ADAM12: variants seen among roughly 807,000 people sequenced by gnomAD.
ADAM12 encodes the protein disintegrin and metalloproteinase domain-containing protein 12.
A neutral mutation model predicts 106.4 loss-of-function variants in ADAM12; 70 were observed. The ratio of observed to expected loss-of-function variants is 0.66; its 90% confidence interval spans 0.54 to 0.80. The LOEUF (loss-of-function observed/expected upper bound fraction) is 0.80, where lower values mean the gene tolerates loss of function less well. Ranked by LOEUF, ADAM12 falls within the 30% of genes least tolerant of loss-of-function variation. The pLI is 0.00. For synonymous variants in ADAM12, 420 were observed against 433.5 expected (o/e 0.97, Z 0.39); for missense variants, 1,010 against 1,171.9 (o/e 0.86, Z 2.02).
intron 1 of ADAM12, among the ~76,000 whole-genome samples, chr10:126,353,082 A>C (rs528505419): frequency 1.1e-4 from 16 of 152,294 alleles, no homozygotes; most frequent in African/African-American, 3.8e-4. Flanking sequence ...GGAACATCAG[A>C]GCATCTCCTG....
chr10:126,293,243 G>T (rs1222474432), intron 2 of ADAM12, among the ~76,000 whole-genome samples: 1 of 152,206 alleles, frequency 6.6e-6, no homozygotes, highest in Non-Finnish European at 1.5e-5. Flanking sequence ...GAAATACCAG[G>T]AAAAATGGCA....
At chr10:126,355,103 G>A (rs1423672400) in intron 1 of ADAM12, among the ~76,000 whole-genome samples, 2 of 152,024 alleles carry the variant, frequency 1.3e-5, no homozygotes, top group African/African-American at 2.4e-5. Context: ...ACCAAAACTC[G>A]ACTAACAAAA....
chr10:126,109,727 T>G (rs763157081), intron 7 of ADAM12, 48 bp downstream of exon 7: 2 of 1,549,888 alleles, frequency 1.3e-6, no homozygotes, highest in Admixed American at 3.7e-5. Flanking sequence ...TGTCCTTTTT[T>G]CTTTTATCTC....
intron 2 of ADAM12, among the ~76,000 whole-genome samples, chr10:126,323,516 A>G (rs1854186168): frequency 6.6e-6 from 1 of 152,204 alleles, no homozygotes; most frequent in African/African-American, 2.4e-5. Context: ...TGTGGTAGTC[A>G]GAGTGGTTTG....
chr10:126,349,727 T>C (rs1439693958), intron 1 of ADAM12, among the ~76,000 whole-genome samples: 1 of 152,234 alleles, frequency 6.6e-6, no homozygotes, highest in Non-Finnish European at 1.5e-5. Flanking sequence ...CAACGTCCCT[T>C]ACAGCCTCAA....
chr10:126,307,638 T>TAA (rs1960908463), intron 2 of ADAM12, among the ~76,000 whole-genome samples: 1 of 152,178 alleles, frequency 6.6e-6, no homozygotes, highest in South Asian at 2.1e-4. Context: ...CCTCCCAGGT[T>TAA]CAAGCGATTC....
intron 3 of ADAM12, among the ~76,000 whole-genome samples, chr10:126,264,693 A>T (rs1959063823): frequency 6.6e-6 from 1 of 152,106 alleles, no homozygotes; most frequent in African/African-American, 2.4e-5. Flanking sequence ...CTTCAGTGGG[A>T]CTAAGCCTGC....
intron 11 of ADAM12, among the ~76,000 whole-genome samples, chr10:126,084,943 CTTTATTT>C (rs1462186090): frequency 6.6e-6 from 1 of 152,162 alleles, no homozygotes; most frequent in African/African-American, 2.4e-5. Context: ...TGTACCTGTT[CTTTATTT>C]TTAGGGCTGT....
At chr10:126,076,779 T>A (rs1955110218) in intron 11 of ADAM12, among the ~76,000 whole-genome samples, 1 of 152,196 alleles carries the variant, frequency 6.6e-6, no homozygotes, top group African/African-American at 2.4e-5. Context: ...GCATAGTTTG[T>A]GAATATTTTC....
chr10:126,259,001 C>A (rs1357304486), intron 3 of ADAM12, among the ~76,000 whole-genome samples: 1 of 152,162 alleles, frequency 6.6e-6, no homozygotes, highest in Non-Finnish European at 1.5e-5. Context: ...TTGTTATATA[C>A]CAGGAGGTCA....
chr10:126,301,629 G>T (rs1307149342), intron 2 of ADAM12, among the ~76,000 whole-genome samples: 1 of 152,242 alleles, frequency 6.6e-6, no homozygotes, highest in Middle Eastern at 3.4e-3. Flanking sequence ...TGGAGAAGCA[G>T]GTTGTATTTA....
At chr10:126,206,628 C>T (rs1485139925) in intron 3 of ADAM12, among the ~76,000 whole-genome samples, 1 of 152,204 alleles carries the variant, frequency 6.6e-6, no homozygotes, top group Non-Finnish European at 1.5e-5. Flanking sequence ...TAAGACCAAA[C>T]ACCAGGCAAT....
At chr10:126,263,081 A>C (rs1027823780) in intron 3 of ADAM12, among the ~76,000 whole-genome samples, 2 of 152,224 alleles carry the variant, frequency 1.3e-5, no homozygotes, top group African/African-American at 4.8e-5. Context: ...AAATACAATG[A>C]GATAAGAAAC....
In ADAM12 at chr10:126,017,285, A is replaced by C. The variant is rs1274710112; in HGVS notation, c.2715T>G (p.Ile905Met). 1 of 1,595,032 alleles carries C rather than the reference A, an allele frequency of 6.3e-7. No homozygotes were observed. Among genetic ancestry groups the C allele is most frequent in the African/African-American group, 1.3e-5 (1 of 74,678 alleles). ...QVPRSTHTAYIK is the reference protein window; with the variant it reads ...QVPRSTHTAYMK The stretch of plus-strand genomic sequence containing the variant: ...GAAAAAAGGTGTCGGCTTCTCACTT[A>C]ATATAGGCGGTGTGGGTGGATCTGG... The change falls in exon 23 of 23, where the codon ATT becomes ATG. Residue 905 changes from isoleucine to methionine, a missense_variant. By Grantham distance (10) the Ile-to-Met change is conservative. Transcript: ENST00000448723.
intron 3 of ADAM12, among the ~76,000 whole-genome samples, chr10:126,256,350 T>C (rs1958892147): frequency 6.6e-6 from 1 of 152,174 alleles, no homozygotes; most frequent in Non-Finnish European, 1.5e-5. Context: ...GGACCCTTTG[T>C]TTTAGTTTCT....
chr10:126,321,036 C>T (rs1328864480), intron 2 of ADAM12, among the ~76,000 whole-genome samples: 1 of 152,100 alleles, frequency 6.6e-6, no homozygotes, highest in Non-Finnish European at 1.5e-5. Context: ...GGATTGGGTC[C>T]CATTCATCCT....
At chr10:126,101,959 C>T (rs1676705) in intron 8 of ADAM12, among the ~76,000 whole-genome samples, 1 of 152,172 alleles carries the variant, frequency 6.6e-6, no homozygotes, top group African/African-American at 2.4e-5. Context: ...CGGCACACCA[C>T]TGAAAGCAAG....
chr10:126,031,456 C>T (rs1259202908), intron 21 of ADAM12, among the ~76,000 whole-genome samples: 1 of 152,172 alleles, frequency 6.6e-6, no homozygotes, highest in Non-Finnish European at 1.5e-5. Context: ...CTGAACTGGC[C>T]AGCACCTGAC....
At chr10:126,111,308 T>C (rs1955863050) in intron 6 of ADAM12, among the ~76,000 whole-genome samples, 1 of 152,200 alleles carries the variant, frequency 6.6e-6, no homozygotes, top group Non-Finnish European at 1.5e-5. Flanking sequence ...TTTATGGTGA[T>C]AACTATGCGT....
Sources: gnomAD v4.1 joint callset for allele counts (sites outside exome capture counted in the v4.1 genomes callset) on GRCh38, gnomAD v4.1.1 for gene constraint, MANE v1.5 for transcripts, NCBI Gene and HGNC (gene_info 2026-07-23, HGNC 2026-07-21) for gene names.